Variants in TMEM265 observed in about 807,000 individuals in gnomAD.
The protein encoded by TMEM265 is transmembrane protein 265.
Under a neutral mutation model 9.5 loss-of-function variants are expected in TMEM265, and 8 were observed. The observed-to-expected ratio is 0.84, with a 90% CI of 0.49 to 1.52. The LOEUF is 1.52. Ranked by LOEUF, TMEM265 falls within the 40% of genes most tolerant of loss-of-function variation. The pLI is 0.00. For missense variants in TMEM265, 152 were observed against 146.2 expected (o/e 1.04, Z -0.21); for synonymous variants, 53 against 56.9 (o/e 0.93, Z 0.31).
Position 30,743,830 on chromosome 16 carries a change from G to GGGGCCC in TMEM265, c.223_228dup (p.Ala75_Arg76dup), listed in dbSNP as rs1282193921. On this transcript the variant is annotated inframe_insertion, in exon 3 of 3. Coordinates refer to ENST00000615541, the MANE Select transcript of TMEM265 (RefSeq NM_001256829.2). ...CCGGTCCGAGGAGGCAGTGCGCTGGGGGGCCCGGGCCCGGAAACTCATCCT... is the reference window on the plus strand; with the variant it reads ...CCGGTCCGAGGAGGCAGTGCGCTGGGGGGCCCGGGCCCGGGCCCGGAAACTCATCCT... 5 of 1,533,704 alleles carry GGGGCCC rather than the reference G, an allele frequency of 3.3e-6. No homozygotes were observed. Among genetic ancestry groups the GGGGCCC allele is most frequent in the East Asian group, 4.9e-5 (2 of 40,898 alleles).
chr16:30,743,216 G>T (rs561973890), intron 2 of TMEM265, among the ~76,000 whole-genome samples: 2 of 152,084 alleles, frequency 1.3e-5, no homozygotes, highest in South Asian at 2.1e-4. Context: ...GTGAAACCCC[G>T]TCTCTACTAA....
chr16:30,741,938 G>A, intron 2 of TMEM265, 30 bp downstream of exon 2: 1 of 1,529,606 alleles, frequency 6.5e-7, no homozygotes, highest in South Asian at 1.2e-5. Context: ...TGGGAATGGG[G>A]GTGGGTATAA....
intron 2 of TMEM265, among the ~76,000 whole-genome samples, chr16:30,742,367 C>T (rs2151302828): frequency 6.6e-6 from 1 of 152,224 alleles, no homozygotes; most frequent in Non-Finnish European, 1.5e-5. Flanking sequence ...AGCTAGAGGA[C>T]CCAGATTCCC....
Position 30,744,039 on chromosome 16 carries a change from T to C in TMEM265, c.*96T>C, listed in dbSNP as rs2053241669. On this transcript the variant is annotated 3_prime_UTR_variant, in exon 3 of 3. Transcript: ENST00000615541. ...GTGACAGCAGTGGTTGGAAGGATCC[T>C]GGTTGGAAGGATGGGGACTCTCTCA... is the stretch of plus-strand genomic sequence containing the variant. 1.4e-6 allele frequency: 2 copies of C among 1,385,714 alleles called. No individual in the cohort carries two copies. Among genetic ancestry groups the C allele is most frequent in the Non-Finnish European group, 9.6e-7 (1 of 1,041,318 alleles). 85.8% of individuals were successfully genotyped at this position (1,385,714 alleles called of 1,614,324 possible). A position where few individuals can be genotyped will look rare whatever the true frequency, so the allele number is the denominator to read the frequency against.
At chr16:30,743,218 C>G (rs2053235867) in intron 2 of TMEM265, among the ~76,000 whole-genome samples, 1 of 152,036 alleles carries the variant, frequency 6.6e-6, no homozygotes, top group Non-Finnish European at 1.5e-5. Flanking sequence ...GAAACCCCGT[C>G]TCTACTAAAA....
intron 1 of TMEM265, chr16:30,741,363 A>G (rs896673738): frequency 6.1e-6 from 1 of 163,544 alleles, no homozygotes; most frequent in Non-Finnish European, 1.3e-5. Context: ...ATTTGGGGGA[A>G]TTGTAGAGTC....
At chr16:30,742,936 A>C (rs1213531363) in intron 2 of TMEM265, among the ~76,000 whole-genome samples, 2 of 148,006 alleles carry the variant, frequency 1.4e-5, no homozygotes, top group East Asian at 1.9e-4. Flanking sequence ...AAAAAAAAAA[A>C]AAACAAAAAA....
chr16:30,743,706 G>C (rs2053238688), intron 2 of TMEM265, 76 bp from the exon 3 acceptor site: 6 of 1,425,084 alleles, frequency 4.2e-6, no homozygotes, highest in Admixed American at 2.5e-5. Context: ...TGACAGGGAA[G>C]GGGGAGCGGA....
At position 30,741,470 on chromosome 16, in the gene TMEM265, C is replaced by T. The variant is rs182774114; in HGVS notation, c.-3-271C>T. 7.9e-4 allele frequency: 272 copies of T among 342,602 alleles called. 6 individuals carry two copies. In the Admixed American group the frequency reaches 0.011, roughly 13 times the overall value. 21.2% of individuals were successfully genotyped at this position (342,602 alleles called of 1,614,324 possible). ...GTGCACCTGTCATTTGGCTTCTTCCCACTTGTTGAAACACTAAATAATACA... is the reference window on the plus strand; with the variant it reads ...GTGCACCTGTCATTTGGCTTCTTCCTACTTGTTGAAACACTAAATAATACA... On this transcript the variant is annotated intron_variant, in intron 1 of 2. Transcript: ENST00000615541.
In TMEM265 at chr16:30,743,771, T is replaced by C. The variant is rs2053239059; in HGVS notation, c.166-11T>C. 1.3e-6 allele frequency: 2 copies of C among 1,516,456 alleles called. No individual in the cohort carries two copies. Among genetic ancestry groups the C allele is most frequent in the African/African-American group, 1.4e-5 (1 of 72,682 alleles). The allele number at this position is 1,516,456 out of a possible 1,614,324, so 93.9% of individuals were successfully genotyped here. On this transcript the variant is annotated splice_polypyrimidine_tract_variant and intron_variant, in intron 2 of 2. Coordinates refer to ENST00000615541, the MANE Select transcript of TMEM265 (RefSeq NM_001256829.2). ...CAGGGGGAGAACCTAACCAAGAACC[T>C]GCCCCCACAGGCGGAAGAGCGGCAT...
At chr16:30,741,209 G>A (rs1313793311) in intron 1 of TMEM265, 1 of 152,242 alleles carries the variant, frequency 6.6e-6, no homozygotes, top group African/African-American at 2.4e-5. Flanking sequence ...TGGTAATAAA[G>A]GGCTTACTTG....
chr16:30,743,030 ACAGT>A (rs1335565348), intron 2 of TMEM265, among the ~76,000 whole-genome samples: 2 of 152,164 alleles, frequency 1.3e-5, no homozygotes, highest in Non-Finnish European at 2.9e-5. Flanking sequence ...ACATATTTTA[ACAGT>A]CAGAAACTGT....
At position 30,744,155 on chromosome 16, in the gene TMEM265, G is replaced by C; in HGVS notation, c.*212G>C. 1 of 511,758 alleles carries C rather than the reference G, an allele frequency of 2.0e-6. No homozygotes were observed. Among genetic ancestry groups the C allele is most frequent in the Non-Finnish European group, 3.2e-6 (1 of 309,040 alleles). 31.7% of individuals were successfully genotyped at this position (511,758 alleles called of 1,614,324 possible). ...GAGGGCAGCCTGCTCTGTTCTTTCA[G>C]GGCCCCCCACCCCCATCTCCCCTAC... On this transcript the variant is annotated 3_prime_UTR_variant, in exon 3 of 3. Transcript: ENST00000615541.
rs1328418632 is a variant in TMEM265 at position 30,742,041 on chromosome 16, CAG to C, written c.165+134_165+135del. The C allele has an allele frequency of 6.0e-6, 6 of 999,902 alleles. No individual in the cohort carries two copies. The East Asian group carries it at 1.1e-4, about 18-fold the overall frequency. The allele number at this position is 999,902 out of a possible 1,614,324, so 61.9% of individuals were successfully genotyped here. On this transcript the variant is annotated intron_variant, in intron 2 of 2. Coordinates refer to ENST00000615541, the MANE Select transcript of TMEM265 (RefSeq NM_001256829.2). ...CCTAGTGCCAGAAATAAGAATAAGA[CAG>C]GGTTCCTTGTCGTCAGAGGACCCAT...
Position 30,743,781 on chromosome 16 carries a change from G to C in TMEM265, c.166-1G>C. On this transcript the variant is annotated splice_acceptor_variant, in intron 2 of 2. Transcript: ENST00000615541. LOFTEE classifies it high-confidence loss of function. ...ACCTAACCAAGAACCTGCCCCCACA[G>C]GCGGAAGAGCGGCATAAAGCAGGCC... 4 of 1,525,450 alleles carry C rather than the reference G, an allele frequency of 2.6e-6. No individual in the cohort carries two copies. Among genetic ancestry groups the C allele is most frequent in the Non-Finnish European group, 3.5e-6 (4 of 1,141,128 alleles). The allele number at this position is 1,525,450 out of a possible 1,614,324, so 94.5% of individuals were successfully genotyped here.
chr16:30,742,939 AC>A (rs1310070241), intron 2 of TMEM265, among the ~76,000 whole-genome samples: 59 of 132,106 alleles, frequency 4.5e-4, no homozygotes, highest in South Asian at 2.4e-3. Context: ...AAAAAAAAAA[AC>A]AAAAAAAAAC....
intron 1 of TMEM265, chr16:30,741,497 A>C (rs942433914): frequency 2.3e-6 from 1 of 442,166 alleles, no homozygotes; most frequent in African/African-American, 1.9e-5. Flanking sequence ...AATAATACAG[A>C]TAATGCCTTG....
At chr16:30,743,220 C>G (rs188271384) in intron 2 of TMEM265, among the ~76,000 whole-genome samples, 1 of 152,190 alleles carries the variant, frequency 6.6e-6, no homozygotes, top group African/African-American at 2.4e-5. Flanking sequence ...AACCCCGTCT[C>G]TACTAAAAAT....
rs1596672449 is a variant in TMEM265, at chr16:30,741,752, CGAG to C, written c.13_15del (p.Glu5del). On this transcript the variant is annotated inframe_deletion, in exon 2 of 3. Coordinates refer to ENST00000615541, the MANE Select transcript of TMEM265 (RefSeq NM_001256829.2). ...ACTATCGCCCACAGGTGATGGAGGA[CGAG>C]GAGAAGGCAGTGGAGATCTTGGGCA... The C allele has an allele frequency of 2.4e-5, 37 of 1,533,606 alleles. No individual in the cohort carries two copies. In the East Asian group the frequency reaches 9.0e-4, roughly 37 times the overall value. 95.0% of individuals were successfully genotyped at this position (1,533,606 alleles called of 1,614,324 possible).
Sources: gnomAD v4.1 joint callset for allele counts (sites outside exome capture counted in the v4.1 genomes callset) on GRCh38, gnomAD v4.1.1 for gene constraint, MANE v1.5 for transcripts, NCBI Gene and HGNC (gene_info 2026-07-23, HGNC 2026-07-21) for gene names.